CEP170B: variants seen among roughly 807,000 people sequenced by gnomAD.
CEP170B encodes the protein centrosomal protein of 170 kDa protein B.
CEP170B carries 55 observed loss-of-function variants against 120.6 expected under a neutral mutation model. The observed-to-expected ratio is 0.46, with a 90% CI of 0.37 to 0.57. The LOEUF is 0.57. Ranked by LOEUF, CEP170B falls within the 20% of genes least tolerant of loss-of-function variation. CEP170B has a pLI of 0.00. For missense variants in CEP170B, 2,212 were observed against 2,253.3 expected (o/e 0.98, Z 0.37); for synonymous variants, 1,033 against 954.5 (o/e 1.08, Z -1.52).
upstream of CEP170B, among the ~76,000 whole-genome samples, chr14:104,865,032 G>A (rs1895118739): frequency 6.6e-6 from 1 of 151,528 alleles, no homozygotes; most frequent in Non-Finnish European, 1.5e-5. The surrounding 1 kb of genome is among the most constrained non-coding windows in gnomAD (Gnocchi z 6.7). Flanking sequence ...GAGGCCAGCG[G>A]GGCCTGGGCG....
chr14:104,866,853 C>A (rs749232728), intron 1 of CEP170B, among the ~76,000 whole-genome samples: 1 of 152,152 alleles, frequency 6.6e-6, no homozygotes, highest in Non-Finnish European at 1.5e-5. Context: ...GCCCTGCCCT[C>A]AGGATGCACT....
intron 3 of CEP170B, among the ~76,000 whole-genome samples, chr14:104,877,593 GT>G (rs1002853587): frequency 2.6e-4 from 40 of 152,336 alleles, no homozygotes; most frequent in African/African-American, 8.9e-4. Context: ...ATCTCTTGGA[GT>G]CCACTTCACA....
chr14:104,886,145 T>G lies in CEP170B; in HGVS notation c.2035+15T>G, dbSNP rs1455027938. ...GGGCCTCACAGGTAAGTGGCTCCAG[T>G]GCTGCGGGGGAGTCGGGCCAGGCCG... On this transcript the variant is annotated intron_variant, in intron 11 of 18. Transcript: ENST00000414716. 6.6e-7 allele frequency: 1 copy of G among 1,524,540 alleles called. No homozygotes were observed. The highest frequency in any genetic ancestry group is 1.4e-5 in the African/African-American group (1 of 72,580). The allele number at this position is 1,524,540 out of a possible 1,614,324, so 94.4% of individuals were successfully genotyped here.
rs1293083005 is a variant in CEP170B at position 104,868,407 on chromosome 14, A to T, written c.-27-17A>T. 6.5e-7 allele frequency: 1 copy of T among 1,527,374 alleles called. No individual in the cohort carries two copies. The highest frequency in any genetic ancestry group is 2.5e-5 in the East Asian group (1 of 40,778). The allele number at this position is 1,527,374 out of a possible 1,614,324, so 94.6% of individuals were successfully genotyped here. A position where few individuals can be genotyped will look rare whatever the true frequency, so the allele number is the denominator to read the frequency against. On this transcript the variant is annotated splice_polypyrimidine_tract_variant and intron_variant, in intron 1 of 18. Coordinates refer to ENST00000414716, the MANE Select transcript of CEP170B (RefSeq NM_001112726.3). This position sits in a 1 kb window ranked among gnomAD's most constrained non-coding sequence, Gnocchi z 5.9. Reference sequence around the variant, plus strand: ...CCAGGCCAGGGAGCCCCACTCTAACAATCCCCTCTTCCCCAGGGCCAGACG... The same window carrying T: ...CCAGGCCAGGGAGCCCCACTCTAACTATCCCCTCTTCCCCAGGGCCAGACG...
At chr14:104,889,224 A>G (rs1464293928) in intron 12 of CEP170B, among the ~76,000 whole-genome samples, 1 of 152,102 alleles carries the variant, frequency 6.6e-6, no homozygotes, top group Non-Finnish European at 1.5e-5. Flanking sequence ...CACCACCTGT[A>G]AGGGGGTTTC....
intron 3 of CEP170B, among the ~76,000 whole-genome samples, chr14:104,877,486 G>A (rs1895916612): frequency 6.6e-6 from 1 of 152,228 alleles, no homozygotes. Flanking sequence ...TTGGCCAAGG[G>A]CCACCACAGG....
At chr14:104,877,827 C>T (rs570611741) in intron 3 of CEP170B, 58 bp from the exon 4 acceptor site, 16 of 570,134 alleles carry the variant, frequency 2.8e-5, no homozygotes, top group Non-Finnish European at 2.8e-6. Flanking sequence ...TGCGGCCCTG[C>T]CCACAGCCAC....
Position 104,894,331 on chromosome 14 carries a change from A to G in CEP170B, c.4318A>G (p.Arg1440Gly). 1 of 1,613,674 alleles carries G rather than the reference A, an allele frequency of 6.2e-7. No individual in the cohort carries two copies. The highest frequency in any genetic ancestry group is 8.5e-7 in the Non-Finnish European group (1 of 1,179,884). Residue 1440 changes from arginine to glycine, a missense_variant, in exon 17 of 19, where the codon AGG becomes GGG. Arg to Gly is a moderately radical substitution (Grantham distance 125). This residue lies in a region of CEP170B where 2,166 missense variants were observed against 2,166.7 expected (regional missense o/e 1.00). Coordinates refer to ENST00000414716, the MANE Select transcript of CEP170B (RefSeq NM_001112726.3). Reference sequence around the variant, plus strand: ...GAGAGCTTGGGAGGACCTGGAAGCCAGGATCAACGCCGAGAACGAGGTGCC... The same window carrying G: ...GAGAGCTTGGGAGGACCTGGAAGCCGGGATCAACGCCGAGAACGAGGTGCC... The part of the protein sequence containing the change: ...TGRAWEDLEA[R>G]INAENEVPIL...
intron 9 of CEP170B, 44 bp downstream of exon 9, chr14:104,884,593 G>GTGGAGGCGATGCCGGGGGT (rs1896355219): frequency 6.8e-7 from 1 of 1,465,584 alleles, no homozygotes; most frequent in Admixed American, 2.1e-5. Context: ...GGAACGGGGG[G>GTGGAGGCGATGCCGGGGGT]GTGGAGGCGA....
Position 104,891,527 on chromosome 14 carries a change from G to C in CEP170B, c.3879-1449G>C, listed in dbSNP as rs754596497. ...TGGTGGGGAGGACCTGGGGGGCTTG[G>C]AAGGATGGGGACTGGGGACAGGGCT... On this transcript the variant is annotated intron_variant, in intron 13 of 18. Transcript: ENST00000414716. This position sits in a 1 kb window ranked among gnomAD's most constrained non-coding sequence, Gnocchi z 4.3. Among the ~76,000 whole-genome samples the C allele has an allele frequency of 1.1e-4, 17 of 152,082 alleles. No homozygotes were observed. The highest frequency in any genetic ancestry group is 2.5e-4 in the Non-Finnish European group (17 of 68,000).
At chr14:104,879,264 C>CGTGTTAG (rs1259635658) in intron 5 of CEP170B, among the ~76,000 whole-genome samples, 2 of 151,974 alleles carry the variant, frequency 1.3e-5, no homozygotes, top group African/African-American at 4.8e-5. Flanking sequence ...TGAGGATCTA[C>CGTGTTAG]GTGTTAGAGG....
rs919793578 is a variant in CEP170B, at chr14:104,895,252, C to G, written c.*294C>G. Reference sequence around the variant, plus strand: ...TCAAGCCCTCAAGGGCATTACCCCGCCTCCTCTTCATCACTGTTATTTTTG... The same window carrying G: ...TCAAGCCCTCAAGGGCATTACCCCGGCTCCTCTTCATCACTGTTATTTTTG... On this transcript the variant is annotated 3_prime_UTR_variant, in exon 19 of 19. Coordinates refer to ENST00000414716, the MANE Select transcript of CEP170B (RefSeq NM_001112726.3). 1 of 411,652 alleles carries G rather than the reference C, an allele frequency of 2.4e-6. No homozygotes were observed. The highest frequency in any genetic ancestry group is 4.3e-6 in the Non-Finnish European group (1 of 233,044). The allele number at this position is 411,652 out of a possible 1,614,324, so 25.5% of individuals were successfully genotyped here.
In CEP170B at chr14:104,880,316, G is replaced by A. The variant is rs1289356636; in HGVS notation, c.363G>A (p.Val121=). ...AAAAGTACACCAGCCAGCTGCAGGT[G>A]AGCGTGAAGGGTTTGGCGCCCAAGA... ...KHEKYTSQLQ[V]SVKGLAPKRS... Residue 121 remains valine (V), a synonymous_variant, in exon 6 of 19, where the codon GTG becomes GTA. Coordinates refer to ENST00000414716, the MANE Select transcript of CEP170B (RefSeq NM_001112726.3). The A allele has an allele frequency of 6.2e-7, 1 of 1,608,406 alleles. No individual in the cohort carries two copies. The highest frequency in any genetic ancestry group is 2.2e-5 in the East Asian group (1 of 44,666).
Position 104,885,464 on chromosome 14 carries a change from G to A in CEP170B, c.1866G>A (p.Gly622=). 1.3e-6 allele frequency: 2 copies of A among 1,562,996 alleles called. No individual in the cohort carries two copies. The highest frequency in any genetic ancestry group is 1.7e-6 in the Non-Finnish European group (2 of 1,155,044). ...IRGDRDESDD[G]GVAQRMALLQ... is the part of the protein sequence containing the mutation. ...GGGACAGAGATGAGTCTGATGACGG[G>A]GGCGTGGCCCAGCGGATGGCGCTAC... Residue 622 remains glycine, a synonymous_variant, in exon 10 of 19, where the codon GGG becomes GGA. Coordinates refer to ENST00000414716, the MANE Select transcript of CEP170B (RefSeq NM_001112726.3).
At position 104,887,935 on chromosome 14, in the gene CEP170B, G is replaced by C; in HGVS notation, c.3696G>C (p.Gln1232His). 1 of 1,544,088 alleles carries C rather than the reference G, an allele frequency of 6.5e-7. No homozygotes were observed. The highest frequency in any genetic ancestry group is 8.7e-7 in the Non-Finnish European group (1 of 1,149,702). Residue 1232 changes from glutamine (Q) to histidine (H), a missense_variant, in exon 12 of 19, where the codon CAG becomes CAC. Physicochemically the swap from Gln to His is conservative, Grantham distance 24. This residue lies in a region of CEP170B where 2,166 missense variants were observed against 2,166.7 expected (regional missense o/e 1.00). Transcript: ENST00000414716. ...ANTATTTGPR[Q>H]PFSRARSGSA... The stretch of plus-strand genomic sequence containing the variant: ...CAGCCACCACCACGGGTCCCCGCCA[G>C]CCCTTCAGCAGGGCCCGCTCAGGCA...
At position 104,867,024 on chromosome 14, in the gene CEP170B, C is replaced by A. The variant is rs1895239200; in HGVS notation, c.-27-1400C>A. Among the ~76,000 whole-genome samples, 2 of 152,204 alleles carry A rather than the reference C, an allele frequency of 1.3e-5. No homozygotes were observed. Among genetic ancestry groups the A allele is most frequent in the Non-Finnish European group, 2.9e-5 (2 of 68,034 alleles). ...GCCTCACAGGTATGTGACTTGGAGA[C>A]CCCCACAGAGCCCTTGCTTGGACCC... On this transcript the variant is annotated intron_variant, in intron 1 of 18. Transcript: ENST00000414716. This position sits in a 1 kb window ranked among gnomAD's most constrained non-coding sequence, Gnocchi z 5.4.
chr14:104,878,141 C>T (rs192475948), intron 4 of CEP170B, among the ~76,000 whole-genome samples, 178 bp downstream of exon 4: 1 of 152,028 alleles, frequency 6.6e-6, no homozygotes, highest in East Asian at 1.9e-4. Flanking sequence ...AATGCCAGTC[C>T]CTGCAGCCCG....
In CEP170B at chr14:104,883,228, C is replaced by G. The variant is rs765940197; in HGVS notation, c.771C>G (p.Gly257=). The part of the protein sequence containing the change: ...MPTKDAEAGG[G]GAAPVVQSHA... ...CGAAGGATGCAGAGGCAGGTGGGGG[C>G]GGAGCGGCCCCTGTGGTGCAGAGCC... The change falls in exon 8 of 19, where the codon GGC becomes GGG. Residue 257 remains glycine, a synonymous_variant. Coordinates refer to ENST00000414716, the MANE Select transcript of CEP170B (RefSeq NM_001112726.3). 1 of 1,610,984 alleles carries G rather than the reference C, an allele frequency of 6.2e-7. No homozygotes were observed. Among genetic ancestry groups the G allele is most frequent in the Non-Finnish European group, 8.5e-7 (1 of 1,179,462 alleles).
chr14:104,889,155 G>A (rs563104233), intron 12 of CEP170B, among the ~76,000 whole-genome samples: 11 of 152,298 alleles, frequency 7.2e-5, no homozygotes, highest in African/African-American at 1.4e-4. Context: ...AGCCTGGGCC[G>A]CAGCAGGTCC....
Sources: gnomAD v4.1 joint callset for allele counts (sites outside exome capture counted in the v4.1 genomes callset) on GRCh38, gnomAD v4.1.1 for gene constraint, gnomAD v4.1.1 regional missense constraint, Gnocchi (gnomAD v3.1) non-coding constraint, MANE v1.5 for transcripts, NCBI Gene and HGNC (gene_info 2026-07-23, HGNC 2026-07-21) for gene names.